The following PTPRT variants were observed in gnomAD, a reference collection of about 807,000 sequenced individuals.
PTPRT encodes protein tyrosine phosphatase receptor type T.
Under a neutral mutation model 176.8 loss-of-function variants are expected in PTPRT, and 56 were observed. The observed-to-expected ratio is 0.32, with a 90% CI of 0.26 to 0.40. The LOEUF (loss-of-function observed/expected upper bound fraction) is 0.40, where lower values mean the gene tolerates loss of function less well. Among genes scored for constraint, PTPRT ranks in the 10% least tolerant of loss-of-function variants. The pLI is 1.00. For missense variants in PTPRT, 1,540 were observed against 1,908.2 expected (o/e 0.81, Z 3.60); for synonymous variants, 783 against 739.0 (o/e 1.06, Z -0.96).
intron 7 of PTPRT, among the ~76,000 whole-genome samples, chr20:42,648,820 G>GTTTTTTTTTTTGTTTTTTT (rs746084382): frequency 1.8e-5 from 2 of 111,834 alleles, no homozygotes; most frequent in African/African-American, 7.5e-5. Context: ...TGGTGTCGTT[G>GTTTTTTTTTTTGTTTTTTT]TTTTTTTTTT....
intron 9 of PTPRT, among the ~76,000 whole-genome samples, chr20:42,419,762 T>G (rs1303212982): frequency 6.6e-6 from 1 of 152,172 alleles, no homozygotes; most frequent in East Asian, 1.9e-4. Context: ...GAAGTGACCT[T>G]ATTTGAAAAT....
intron 7 of PTPRT, among the ~76,000 whole-genome samples, chr20:42,555,444 G>A (rs746847256): frequency 6.6e-6 from 1 of 152,102 alleles, no homozygotes; most frequent in Non-Finnish European, 1.5e-5. Context: ...TGATGAGTAC[G>A]AGAGAAAAAT....
intron 7 of PTPRT, among the ~76,000 whole-genome samples, chr20:42,492,294 A>G (rs1159760782): frequency 6.6e-6 from 1 of 152,220 alleles, no homozygotes; most frequent in African/African-American, 2.4e-5. Context: ...ATATCATTTT[A>G]CATTTCCACC....
intron 5 of PTPRT, among the ~76,000 whole-genome samples, chr20:42,765,574 A>G (rs1409068582): frequency 6.6e-6 from 1 of 152,166 alleles, no homozygotes; most frequent in African/African-American, 2.4e-5. Context: ...TTTGGATAAA[A>G]CAGAAAAGAA....
chr20:42,598,982 C>G (rs1318852959), intron 7 of PTPRT, among the ~76,000 whole-genome samples: 1 of 152,118 alleles, frequency 6.6e-6, no homozygotes, highest in Non-Finnish European at 1.5e-5. Context: ...TCAAAGTGTT[C>G]CAACAATCAT....
chr20:43,140,836 A>G (rs996448508), intron 1 of PTPRT, among the ~76,000 whole-genome samples: 15 of 152,160 alleles, frequency 9.9e-5, no homozygotes, highest in Admixed American at 9.8e-4. Context: ...TTTTCAGTCA[A>G]TTACTCCCAA....
At chr20:43,005,007 A>G (rs943255939) in intron 1 of PTPRT, among the ~76,000 whole-genome samples, 2 of 152,140 alleles carry the variant, frequency 1.3e-5, no homozygotes, top group Admixed American at 6.5e-5. Context: ...AAGGCTGCCT[A>G]TGTGTCTCTG....
At chr20:43,020,268 T>C (rs1985609010) in intron 1 of PTPRT, among the ~76,000 whole-genome samples, 1 of 149,276 alleles carries the variant, frequency 6.7e-6, no homozygotes, top group Non-Finnish European at 1.5e-5. Context: ...TTGGTTCTTT[T>C]TGGATAGCCC....
chr20:42,727,560 T>C lies in PTPRT; in HGVS notation c.859+28902A>G, dbSNP rs556698890. On this transcript the variant is annotated intron_variant, in intron 6 of 30. Transcript: ENST00000373187. ...ATGTGTATGTGTGTGTGTCCGTGAG[T>C]GCCTAGAGCATTGCAGGTATCCAGT... Among the ~76,000 whole-genome samples the C allele has an allele frequency of 4.7e-4, 71 of 152,228 alleles. 1 individual carries two copies. The highest frequency in any genetic ancestry group is 8.4e-4 in the Non-Finnish European group (57 of 68,012).
intron 13 of PTPRT, among the ~76,000 whole-genome samples, chr20:42,271,695 T>C (rs1202022339): frequency 1.3e-5 from 2 of 152,234 alleles, no homozygotes; most frequent in Non-Finnish European, 2.9e-5. Flanking sequence ...AAACCCTGGT[T>C]TGTCTGGCTT....
At chr20:43,110,532 G>T (rs73279075) in intron 1 of PTPRT, among the ~76,000 whole-genome samples, 1 of 152,218 alleles carries the variant, frequency 6.6e-6, no homozygotes, top group South Asian at 2.1e-4. Context: ...GGGGACAGAG[G>T]GGGGCTTCCT....
chr20:42,315,949 C>A lies in PTPRT; in HGVS notation c.1913G>T (p.Arg638Met). 1 of 1,614,116 alleles carries A rather than the reference C, an allele frequency of 6.2e-7. No individual in the cohort carries two copies. The highest frequency in any genetic ancestry group is 8.5e-7 in the Non-Finnish European group (1 of 1,179,988). The change falls in exon 12 of 31, where the codon AGG becomes ATG. Residue 638 changes from arginine to methionine, a missense_variant. Physicochemically the swap from Arg to Met is moderately conservative, Grantham distance 91 (BLOSUM62 -1). This residue lies in a region of PTPRT where 81 missense variants were observed against 89.9 expected (regional missense o/e 0.90). Coordinates refer to ENST00000373187, the MANE Select transcript of PTPRT (RefSeq NM_007050.6). ...AAAGCACTCAATAATGTCAGCTGCC[C>A]TCCGTGACTTCTGAAGTCGCTCCTC... ...VKEERLQKSR[R>M]AADIIECFSV...
chr20:42,189,694 T>C (rs1425550468), intron 16 of PTPRT, among the ~76,000 whole-genome samples: 3 of 152,200 alleles, frequency 2.0e-5, no homozygotes, highest in African/African-American at 4.8e-5. Context: ...ACTAGAACGG[T>C]CGTGTCCCTA....
the PTPRT span, among the ~76,000 whole-genome samples, chr20:42,064,507 G>A: frequency 1.3e-5 from 2 of 152,058 alleles, no homozygotes; most frequent in Non-Finnish European, 2.9e-5. Context: ...TATTGTGAGT[G>A]TAATTTTTCT....
chr20:42,748,624 A>G lies in PTPRT; in HGVS notation c.859+7838T>C, dbSNP rs540123538. ...TCCCACCGCCACCTCAGGACTTATT[A>G]TTGCACCGAGTGCAGTCCAACCTCC... On this transcript the variant is annotated intron_variant, in intron 6 of 30. Transcript: ENST00000373187. Among the ~76,000 whole-genome samples, 3 of 152,222 alleles carry G rather than the reference A, an allele frequency of 2.0e-5. No individual in the cohort carries two copies. In the East Asian group the frequency reaches 5.8e-4, roughly 29 times the overall value.
At chr20:42,575,563 C>A (rs1333942778) in intron 7 of PTPRT, among the ~76,000 whole-genome samples, 1 of 152,180 alleles carries the variant, frequency 6.6e-6, no homozygotes, top group Non-Finnish European at 1.5e-5. Flanking sequence ...AACCCAGGGG[C>A]AGACAAATAT....
At chr20:42,354,386 C>T (rs1245659658) in intron 9 of PTPRT, among the ~76,000 whole-genome samples, 1 of 152,162 alleles carries the variant, frequency 6.6e-6, no homozygotes, top group Non-Finnish European at 1.5e-5. Flanking sequence ...TGGGTAGTAG[C>T]AAATAAGGCA....
intron 7 of PTPRT, among the ~76,000 whole-genome samples, chr20:42,617,663 C>G (rs1311490434): frequency 1.4e-5 from 2 of 138,736 alleles, no homozygotes; most frequent in Non-Finnish European, 3.0e-5. Context: ...CTGGTTTAGT[C>G]TTGGGAGGGT....
At chr20:42,428,834 G>A (rs2059190229) in intron 9 of PTPRT, among the ~76,000 whole-genome samples, 1 of 152,096 alleles carries the variant, frequency 6.6e-6, no homozygotes, top group African/African-American at 2.4e-5. Flanking sequence ...GGCAATTCAA[G>A]CTTGGGGGAC....
Sources: gnomAD v4.1 joint callset for allele counts (sites outside exome capture counted in the v4.1 genomes callset) on GRCh38, gnomAD v4.1.1 for gene constraint, gnomAD v4.1.1 regional missense constraint, MANE v1.5 for transcripts, NCBI Gene and HGNC (gene_info 2026-07-23, HGNC 2026-07-21) for gene names.